DNMBP: variants seen among roughly 807,000 people sequenced by gnomAD.
DNMBP encodes the protein dynamin binding protein.
A neutral mutation model predicts 150.0 loss-of-function variants in DNMBP; 87 were observed. The observed-to-expected ratio is 0.58, with a 90% CI of 0.49 to 0.69. DNMBP has a LOEUF of 0.69. Ranked by LOEUF, DNMBP falls within the 30% of genes least tolerant of loss-of-function variation. DNMBP has a pLI of 0.00. For missense variants in DNMBP, 1,774 were observed against 1,949.0 expected, an observed-to-expected ratio of 0.91 and a Z score of 1.69; for synonymous variants, 711 against 750.4, an observed-to-expected ratio of 0.95 and a Z score of 0.86.
At chr10:99,888,568 T>C (rs1408183853) in intron 12 of DNMBP, among the ~76,000 whole-genome samples, 1 of 152,162 alleles carries the variant, frequency 6.6e-6, no homozygotes, top group Non-Finnish European at 1.5e-5. Context: ...CATTGCCTAG[T>C]TTTCCTTTGT....
chr10:99,891,822 G>T lies in DNMBP; in HGVS notation c.3157-2869C>A, dbSNP rs1359029382. Among the ~76,000 whole-genome samples, 1,021 of 149,378 alleles carry T rather than the reference G, an allele frequency of 6.8e-3. 11 individuals carry two copies. The highest frequency in any genetic ancestry group is 0.026 in the Middle Eastern group (7 of 270). On this transcript the variant is annotated intron_variant, in intron 11 of 16. Transcript: ENST00000324109. ...GAGACGTGGGGAGCGCCTCTGCCCC[G>T]CCGCCCCATCTGGGATGTGAGGAGC... is the stretch of plus-strand genomic sequence containing the variant.
intron 4 of DNMBP, 49 bp from the exon 5 acceptor site, chr10:99,909,195 A>C: frequency 6.7e-7 from 1 of 1,485,376 alleles, no homozygotes; most frequent in Non-Finnish European, 9.2e-7. Flanking sequence ...TAAAAGCAGC[A>C]CCCTTCCACA....
In DNMBP at chr10:99,955,441, G is replaced by C. The variant is rs1308714688; in HGVS notation, c.2033C>G (p.Pro678Arg). 2.5e-6 allele frequency: 4 copies of C among 1,611,360 alleles called. No homozygotes were observed. The highest frequency in any genetic ancestry group is 3.4e-6 in the Non-Finnish European group (4 of 1,178,380). ...PTCETLEKEG[P>R]GHMGRSLDQT... ...GTCCAGACTCCTTCCCATATGACCA[G>C]GGCCCTCCTTTTCTAAGGTCTCACA... Residue 678 changes from proline (P) to arginine (R), a missense_variant, in exon 4 of 17, where the codon CCT (proline) becomes CGT (arginine). Pro to Arg is a moderately radical substitution (Grantham distance 103). Coordinates refer to ENST00000324109, the MANE Select transcript of DNMBP (RefSeq NM_015221.4).
chr10:99,985,173 G>A (rs1430800557), intron 1 of DNMBP, among the ~76,000 whole-genome samples: 1 of 152,162 alleles, frequency 6.6e-6, no homozygotes, highest in African/African-American at 2.4e-5. Flanking sequence ...GTTAAAAATA[G>A]CTAAGATCAT....
chr10:99,947,812 C>T (rs1281158466), intron 4 of DNMBP, among the ~76,000 whole-genome samples: 3 of 152,076 alleles, frequency 2.0e-5, no homozygotes, highest in Admixed American at 2.0e-4. Context: ...TAGTTTTTGA[C>T]ATTTATCTTG....
At position 99,957,065 on chromosome 10, in the gene DNMBP, T is replaced by G; in HGVS notation, c.409A>C (p.Ser137Arg). 1 of 1,614,120 alleles carries G rather than the reference T, an allele frequency of 6.2e-7. No individual in the cohort carries two copies. Among genetic ancestry groups the G allele is most frequent in the Non-Finnish European group, 8.5e-7 (1 of 1,180,024 alleles). The change falls in exon 4 of 17, where the codon AGC becomes CGC. Residue 137 changes from serine to arginine, a missense_variant. By Grantham distance (110) the Ser-to-Arg change is moderately radical. This residue lies in a region of DNMBP where 344 missense variants were observed against 456.6 expected (regional missense o/e 0.75). Coordinates refer to ENST00000324109, the MANE Select transcript of DNMBP (RefSeq NM_015221.4). ...TATTCCGGAATCTGAAACAGGGCGC[T>G]CTGGGAGTGCCACTGCCGGCTCTGT... ...SSQSRQWHSQ[S>R]ALFQIPEYSM...
At chr10:99,878,569 G>C (rs369339454) in intron 16 of DNMBP, among the ~76,000 whole-genome samples, 1 of 152,332 alleles carries the variant, frequency 6.6e-6, no homozygotes, top group African/African-American at 2.4e-5. Flanking sequence ...TGGCACTGAG[G>C]AATGTGCTAT....
intron 15 of DNMBP, among the ~76,000 whole-genome samples, chr10:99,883,032 G>C (rs572247636): frequency 6.6e-6 from 1 of 152,330 alleles, no homozygotes; most frequent in African/African-American, 2.4e-5. Context: ...GGGTGACAGA[G>C]CTAGACCCTG....
chr10:99,985,733 C>T (rs1365191872), intron 1 of DNMBP, among the ~76,000 whole-genome samples: 8 of 152,164 alleles, frequency 5.3e-5, no homozygotes, highest in Admixed American at 5.2e-4. Context: ...CAAGACAACA[C>T]GAAGGCTAAA....
chr10:99,929,663 T>G (rs1414484017), intron 4 of DNMBP: 1 of 702,558 alleles, frequency 1.4e-6, no homozygotes, highest in East Asian at 2.7e-5. Context: ...TGCTGGGTGC[T>G]GTGCGGCGGA....
intron 4 of DNMBP, among the ~76,000 whole-genome samples, chr10:99,946,887 A>AC (rs969079360): frequency 6.6e-6 from 1 of 151,930 alleles, no homozygotes; most frequent in African/African-American, 2.4e-5. Context: ...AAAAAAAACA[A>AC]CCCCCCTAAA....
At chr10:99,885,067 A>T (rs1036982552) in intron 14 of DNMBP, among the ~76,000 whole-genome samples, 1 of 152,240 alleles carries the variant, frequency 6.6e-6, no homozygotes, top group African/African-American at 2.4e-5. Flanking sequence ...GACTAACTCC[A>T]GGTAAAAAAG....
intron 1 of DNMBP, among the ~76,000 whole-genome samples, chr10:99,977,911 T>C (rs955862763): frequency 6.6e-6 from 1 of 152,254 alleles, no homozygotes; most frequent in Non-Finnish European, 1.5e-5. Context: ...TGTCTATCTA[T>C]GTATGGCACT....
chr10:99,952,677 C>A (rs760126905), intron 4 of DNMBP, among the ~76,000 whole-genome samples: 22 of 152,180 alleles, frequency 1.4e-4, no homozygotes, highest in Non-Finnish European at 2.2e-4. Flanking sequence ...GCATAATAGT[C>A]CTTTCCTAAG....
intron 1 of DNMBP, among the ~76,000 whole-genome samples, chr10:99,988,983 C>T (rs1011961606): frequency 6.6e-6 from 1 of 152,032 alleles, no homozygotes; most frequent in African/African-American, 2.4e-5. Context: ...CCTTTCTATA[C>T]CCATGTCCAT....
rs376827951 is a variant in DNMBP, at chr10:99,956,577, T to C, written c.897A>G (p.Leu299=). The C allele has an allele frequency of 1.2e-6, 2 of 1,614,056 alleles. No individual in the cohort carries two copies. Among genetic ancestry groups the C allele is most frequent in the African/African-American group, 1.3e-5 (1 of 74,912 alleles). Residue 299 remains leucine, a synonymous_variant, in exon 4 of 17, where the codon TTA becomes TTG. Coordinates refer to ENST00000324109, the MANE Select transcript of DNMBP (RefSeq NM_015221.4). ...TGIFPYRFVK[L]CPDTRVEETM... is the part of the protein sequence containing the mutation. ...TTTCCTCCACCCGTGTGTCAGGACA[T>C]AATTTCACAAACCGGTAAGGAAAGA... is the stretch of plus-strand genomic sequence containing the variant.
At chr10:99,903,461 T>C (rs914043695) in intron 6 of DNMBP, among the ~76,000 whole-genome samples, 1 of 152,028 alleles carries the variant, frequency 6.6e-6, no homozygotes, top group Non-Finnish European at 1.5e-5. Flanking sequence ...GCCCCCCAAA[T>C]AGCTGGAACT....
At chr10:99,886,740 G>A (rs1228602868) in intron 12 of DNMBP, 108 bp from the exon 13 acceptor site, 13 of 997,248 alleles carry the variant, frequency 1.3e-5, no homozygotes, top group East Asian at 2.4e-5. Context: ...CACCTACTTC[G>A]TTTCTAGTAC....
In DNMBP at chr10:99,941,473, T is replaced by C. The variant is rs2040299982; in HGVS notation, c.2260+13741A>G. On this transcript the variant is annotated intron_variant, in intron 4 of 16. Transcript: ENST00000324109. ...GGGTTACCCTTGACTCTTCTCAATT[T>C]TTTTTTTTTTTTGAGATGGAGTTTC... 2.0e-5 allele frequency among the ~76,000 whole-genome samples: 3 copies of C among 151,836 alleles called. No individual in the cohort carries two copies. The South Asian group carries it at 6.2e-4, about 32-fold the overall frequency.
Sources: gnomAD v4.1 joint callset for allele counts (sites outside exome capture counted in the v4.1 genomes callset) on GRCh38, gnomAD v4.1.1 for gene constraint, gnomAD v4.1.1 regional missense constraint, MANE v1.5 for transcripts, NCBI Gene and HGNC (gene_info 2026-07-23, HGNC 2026-07-21) for gene names.